FSTL5: variants seen among roughly 807,000 people sequenced by gnomAD.
FSTL5 encodes the protein follistatin like 5, also known as follistatin-related protein 5.
A neutral mutation model predicts 89.1 loss-of-function variants in FSTL5; 62 were observed. That is an observed-to-expected ratio of 0.70 (90% CI 0.57 to 0.86). The LOEUF (loss-of-function observed/expected upper bound fraction) is 0.86, where lower values mean the gene tolerates loss of function less well. Ranked by LOEUF, FSTL5 falls within the 40% of genes least tolerant of loss-of-function variation. The pLI is 0.00. For synonymous variants in FSTL5, 383 were observed against 346.2 expected (o/e 1.11, Z -1.18); for missense variants, 1,057 against 1,001.6 (o/e 1.06, Z -0.75).
chr4:161,934,726 T>C (rs1464778802), intron 3 of FSTL5, among the ~76,000 whole-genome samples: 1 of 152,108 alleles, frequency 6.6e-6, no homozygotes, highest in Admixed American at 6.6e-5. Flanking sequence ...CTTAAAATAG[T>C]GTCTGCCAGA....
intron 3 of FSTL5, among the ~76,000 whole-genome samples, chr4:161,936,134 C>G (rs1205527228): frequency 6.6e-6 from 1 of 152,124 alleles, no homozygotes; most frequent in Non-Finnish European, 1.5e-5. Flanking sequence ...CAGCTGAGAT[C>G]AACTATTTTA....
At chr4:161,767,197 T>C (rs1741044873) in intron 5 of FSTL5, among the ~76,000 whole-genome samples, 1 of 152,214 alleles carries the variant, frequency 6.6e-6, no homozygotes, top group African/African-American at 2.4e-5. Flanking sequence ...AAAAAGAATA[T>C]GCCCATACCT....
At chr4:161,550,879 C>T (rs1732184042) in intron 8 of FSTL5, among the ~76,000 whole-genome samples, 1 of 151,858 alleles carries the variant, frequency 6.6e-6, no homozygotes, top group African/African-American at 2.4e-5. Flanking sequence ...TGATGATTTC[C>T]AATTTCATCC....
At chr4:162,109,555 C>T (rs530683075) in intron 2 of FSTL5, among the ~76,000 whole-genome samples, 1 of 152,026 alleles carries the variant, frequency 6.6e-6, no homozygotes, top group Non-Finnish European at 1.5e-5. Context: ...TAGTGCTTCT[C>T]GAACAACTTT....
chr4:161,876,605 T>C (rs867672571), intron 4 of FSTL5, among the ~76,000 whole-genome samples: 16 of 152,124 alleles, frequency 1.1e-4, no homozygotes, highest in Middle Eastern at 3.2e-3. Context: ...CTACACGCGG[T>C]GGCTCATGCC....
chr4:161,577,841 G>T (rs753776888), intron 8 of FSTL5, among the ~76,000 whole-genome samples: 1 of 152,090 alleles, frequency 6.6e-6, no homozygotes, highest in Non-Finnish European at 1.5e-5. Context: ...ATATGAGTTG[G>T]ATTAACCAGA....
chr4:161,852,092 T>C (rs1391700922), intron 4 of FSTL5, among the ~76,000 whole-genome samples: 2 of 152,086 alleles, frequency 1.3e-5, no homozygotes, highest in Non-Finnish European at 1.5e-5. Flanking sequence ...ATCACCACAG[T>C]TCATCTTGTT....
At chr4:161,772,098 C>A (rs908163399) in intron 5 of FSTL5, among the ~76,000 whole-genome samples, 3 of 151,964 alleles carry the variant, frequency 2.0e-5, no homozygotes, top group African/African-American at 7.2e-5. Context: ...AATAGACAGG[C>A]CTCTAGGTTC....
intron 12 of FSTL5, among the ~76,000 whole-genome samples, chr4:161,483,026 CAGGTGACTACTCGGG>C (rs1421655404): frequency 1.3e-5 from 2 of 152,180 alleles, no homozygotes; most frequent in African/African-American, 4.8e-5. Context: ...ATGGCCATTA[CAGGTGACTACTCGGG>C]AGGTCAACCT....
At chr4:162,004,199 C>T (rs111403495) in intron 3 of FSTL5, among the ~76,000 whole-genome samples, 41 of 152,294 alleles carry the variant, frequency 2.7e-4, no homozygotes, top group Admixed American at 7.8e-4. Flanking sequence ...AAACTGTACT[C>T]GTGCTCTTCT....
chr4:162,003,565 G>A (rs1401499402), intron 3 of FSTL5, among the ~76,000 whole-genome samples: 1 of 152,158 alleles, frequency 6.6e-6, no homozygotes, highest in Non-Finnish European at 1.5e-5. Context: ...AGGCAGAGAG[G>A]AAGGTAGAGA....
chr4:161,950,344 G>A (rs928304398), intron 3 of FSTL5, among the ~76,000 whole-genome samples: 2 of 152,118 alleles, frequency 1.3e-5, no homozygotes, highest in East Asian at 1.9e-4. Context: ...TCAATTGATG[G>A]CATTTAGGTG....
At chr4:161,644,178 T>C (rs1434395017) in intron 7 of FSTL5, among the ~76,000 whole-genome samples, 1 of 151,874 alleles carries the variant, frequency 6.6e-6, no homozygotes, top group African/African-American at 2.4e-5. Flanking sequence ...TTTAGGTAGA[T>C]AAAAATGACA....
At chr4:161,437,154 G>A (rs551367343) in intron 15 of FSTL5, among the ~76,000 whole-genome samples, 4 of 152,280 alleles carry the variant, frequency 2.6e-5, no homozygotes, top group Non-Finnish European at 5.9e-5. Context: ...AAGAGATATT[G>A]AAGCATTAAG....
intron 12 of FSTL5, among the ~76,000 whole-genome samples, chr4:161,484,171 T>C (rs1427547900): frequency 6.6e-6 from 1 of 152,194 alleles, no homozygotes; most frequent in African/African-American, 2.4e-5. Flanking sequence ...GCCATTTTCA[T>C]TTATTAGACT....
Position 161,860,393 on chromosome 4 carries a change from A to G in FSTL5, c.409+60011T>C. Among the ~76,000 whole-genome samples the G allele has an allele frequency of 1.3e-5, 2 of 152,236 alleles. 1 individual carries two copies. Among genetic ancestry groups the G allele is most frequent in the East Asian group, 3.9e-4 (2 of 5,190 alleles). ...AAGTTGAACTGGTAATAACGTTATC[A>G]TATGCCATATTAAGGAGGTTGGGTG... On this transcript the variant is annotated intron_variant, in intron 4 of 15. Coordinates refer to ENST00000306100, the MANE Select transcript of FSTL5 (RefSeq NM_020116.5).
chr4:161,883,813 G>A (rs750697423), intron 4 of FSTL5, among the ~76,000 whole-genome samples: 58 of 152,062 alleles, frequency 3.8e-4, no homozygotes, highest in Non-Finnish European at 7.2e-4. Context: ...CCGGCAGAGC[G>A]GAAGACTCAA....
At chr4:161,971,352 C>T (rs1735477871) in intron 3 of FSTL5, among the ~76,000 whole-genome samples, 1 of 152,004 alleles carries the variant, frequency 6.6e-6, no homozygotes, top group Non-Finnish European at 1.5e-5. Context: ...GTTACAAATC[C>T]CATAGTAAAG....
intron 7 of FSTL5, among the ~76,000 whole-genome samples, chr4:161,638,072 G>A (rs4441717): frequency 8.3e-4 from 125 of 150,890 alleles, no homozygotes; most frequent in African/African-American, 2.8e-3. Context: ...CCATTTTCAC[G>A]ATATTGATTC....
Sources: gnomAD v4.1 joint callset for allele counts (sites outside exome capture counted in the v4.1 genomes callset) on GRCh38, gnomAD v4.1.1 for gene constraint, MANE v1.5 for transcripts, NCBI Gene and HGNC (gene_info 2026-07-23, HGNC 2026-07-21) for gene names.